PHF10: variants seen among roughly 807,000 people sequenced by gnomAD.
PHF10 encodes BRG1-associated factor 45a.
PHF10 carries 51 observed loss-of-function variants against 68.5 expected under a neutral mutation model. The observed-to-expected ratio is 0.74, with a 90% CI of 0.59 to 0.94. The LOEUF (loss-of-function observed/expected upper bound fraction) is 0.94. PHF10 is among the 40% of genes least tolerant of loss of function. The pLI is 0.00. For synonymous variants in PHF10, 204 were observed against 203.5 expected, an observed-to-expected ratio of 1.00 and a Z score of -0.02; for missense variants, 460 against 602.6, an observed-to-expected ratio of 0.76 and a Z score of 2.48.
chr6:169,706,719 TACATACATACACAC>T (rs1182783168), intron 9 of PHF10, among the ~76,000 whole-genome samples: 9 of 79,812 alleles, frequency 1.1e-4, no homozygotes, highest in South Asian at 4.0e-4. Context: ...GGGACATACA[TACATACATACACAC>T]ACACACACAC....
chr6:169,712,005 T>C (rs556887151), intron 8 of PHF10, among the ~76,000 whole-genome samples: 7 of 152,314 alleles, frequency 4.6e-5, no homozygotes, highest in South Asian at 2.1e-4. Context: ...TATTTTCCTA[T>C]AGGAAGCATA....
intron 2 of PHF10, 200 bp from the exon 3 acceptor site, chr6:169,719,118 T>C (rs1164217950): frequency 4.5e-6 from 2 of 448,508 alleles, no homozygotes; most frequent in Admixed American, 3.7e-5. Context: ...CAAAAAGGTA[T>C]GTGAAAATAA....
Position 169,715,871 on chromosome 6 carries a change from A to AT in PHF10, c.544-15dup, listed in dbSNP as rs1562987583. 1 of 1,603,400 alleles carries AT rather than the reference A, an allele frequency of 6.2e-7. No homozygotes were observed. ...TTGTTGCATTTGCTGGAAAAAAAAA[A>AT]TACAGTTGGAAGTCACATATAACTT... On this transcript the variant is annotated splice_polypyrimidine_tract_variant and intron_variant, in intron 5 of 11. Coordinates refer to ENST00000339209, the MANE Select transcript of PHF10 (RefSeq NM_018288.4).
At chr6:169,709,780 G>C (rs1263706390) in intron 9 of PHF10, 1 of 152,102 alleles carries the variant, frequency 6.6e-6, no homozygotes, top group Non-Finnish European at 1.5e-5. Flanking sequence ...ATTAAACCCA[G>C]ATCTTTCTTA....
intron 1 of PHF10, among the ~76,000 whole-genome samples, chr6:169,721,566 C>T (rs191715818): frequency 6.6e-6 from 1 of 152,310 alleles, no homozygotes; most frequent in South Asian, 2.1e-4. Context: ...ACTATTCACT[C>T]TTCCTCTTAC....
At chr6:169,722,031 G>C (rs1265146169) in intron 1 of PHF10, among the ~76,000 whole-genome samples, 1 of 152,180 alleles carries the variant, frequency 6.6e-6, no homozygotes, top group African/African-American at 2.4e-5. Flanking sequence ...GTTATTCTCT[G>C]TGAGCATCTC....
At chr6:169,714,445 C>T (rs1025012003) in intron 7 of PHF10, among the ~76,000 whole-genome samples, 1 of 152,214 alleles carries the variant, frequency 6.6e-6, no homozygotes, top group African/African-American at 2.4e-5. Flanking sequence ...CTTTGGACCA[C>T]GGAACATACC....
chr6:169,721,220 T>C (rs1302261060), intron 1 of PHF10, 109 bp from the exon 2 acceptor site: 1 of 611,608 alleles, frequency 1.6e-6, no homozygotes, highest in African/African-American at 1.8e-5. Context: ...AAGTATTAAC[T>C]TCATATTATA....
rs1017696399 is a variant in PHF10 at position 169,710,138 on chromosome 6, C to G, written c.1113+98G>C. ...CCATAGAAGAACAGCTAGTGAGGTA[C>G]AGCAGGCAGAAGCTCCACAATCGTG... is the stretch of plus-strand genomic sequence containing the variant. On this transcript the variant is annotated intron_variant, in intron 9 of 11. Transcript: ENST00000339209. The G allele has an allele frequency of 1.3e-5, 11 of 862,266 alleles. No individual in the cohort carries two copies. The African/African-American group carries it at 1.9e-4, about 15-fold the overall frequency. 53.4% of individuals were successfully genotyped at this position (862,266 alleles called of 1,614,324 possible).
chr6:169,720,627 G>C (rs1210135941), intron 2 of PHF10, among the ~76,000 whole-genome samples: 1 of 152,176 alleles, frequency 6.6e-6, no homozygotes, highest in Non-Finnish European at 1.5e-5. Context: ...AAAGTAGAAT[G>C]ATGGTTGCAA....
At chr6:169,720,984 T>C (rs895172852) in intron 2 of PHF10, 21 bp downstream of exon 2, 8 of 1,307,296 alleles carry the variant, frequency 6.1e-6, no homozygotes, top group African/African-American at 5.8e-5. Context: ...AAAATATTAA[T>C]AACCGATAAA....
chr6:169,704,330 T>C (rs1271699119), intron 11 of PHF10: 1 of 438,572 alleles, frequency 2.3e-6, no homozygotes, highest in African/African-American at 2.1e-5. Flanking sequence ...CATACGGTGA[T>C]ACGGACCTTT....
At chr6:169,705,784 G>A (rs1427820194) in intron 9 of PHF10, 60 bp from the exon 10 acceptor site, 7 of 867,280 alleles carry the variant, frequency 8.1e-6, no homozygotes, top group Non-Finnish European at 1.4e-5. Context: ...GGGTTTAAAA[G>A]GAATTCTGTT....
chr6:169,713,463 G>T (rs533937913), intron 7 of PHF10, among the ~76,000 whole-genome samples: 27 of 152,096 alleles, frequency 1.8e-4, no homozygotes, highest in Admixed American at 1.5e-3. Context: ...AGCTGGGCAA[G>T]GTGGCGGGCA....
chr6:169,715,883 G>A, intron 5 of PHF10, 26 bp from the exon 6 acceptor site: 1 of 1,603,552 alleles, frequency 6.2e-7, no homozygotes, highest in Non-Finnish European at 8.5e-7. Flanking sequence ...ACAGTTGGAA[G>A]TCACATATAA....
intron 8 of PHF10, among the ~76,000 whole-genome samples, chr6:169,712,042 C>G (rs1265533259): frequency 1.3e-5 from 2 of 152,186 alleles, no homozygotes; most frequent in Non-Finnish European, 2.9e-5. Flanking sequence ...CTCCCCTCAA[C>G]TAAGAAAACT....
chr6:169,710,967 T>A (rs1420776583), intron 8 of PHF10, among the ~76,000 whole-genome samples: 1 of 152,194 alleles, frequency 6.6e-6, no homozygotes, highest in Non-Finnish European at 1.5e-5. Context: ...AAGACCTCAG[T>A]ATCTGATCAT....
chr6:169,708,854 C>G (rs901268942), intron 9 of PHF10: 1 of 152,256 alleles, frequency 6.6e-6, no homozygotes, highest in East Asian at 1.9e-4. Context: ...AAGCTCTTAG[C>G]AGACCAGTAG....
In PHF10 at chr6:169,704,051, TG is replaced by T. The variant is rs754137375; in HGVS notation, c.1448del (p.Pro483GlnfsTer?). ...CCCTTCTGCCCACTTTCCTGGGTGT[TG>T]GGGGGGCCCGCTGACAACAGTCACA... The part of the protein sequence containing the change: ...WICDCCQRAP[P>X]TPRKVGRRGK... On this transcript the variant is annotated frameshift_variant, in exon 12 of 12. Coordinates refer to ENST00000339209, the MANE Select transcript of PHF10 (RefSeq NM_018288.4). LOFTEE classifies it high-confidence loss of function. 18 of 1,587,522 alleles carry T rather than the reference TG, an allele frequency of 1.1e-5. No homozygotes were observed. The highest frequency in any genetic ancestry group is 3.9e-5 in the Admixed American group (2 of 51,324).
Sources: gnomAD v4.1 joint callset for allele counts (sites outside exome capture counted in the v4.1 genomes callset) on GRCh38, gnomAD v4.1.1 for gene constraint, MANE v1.5 for transcripts, NCBI Gene and HGNC (gene_info 2026-07-23, HGNC 2026-07-21) for gene names.